The following TRPM3 variants were observed in gnomAD, a reference collection of about 807,000 sequenced individuals.
The protein encoded by TRPM3 is transient receptor potential cation channel subfamily M member 3, also known as long transient receptor potential channel 3.
A neutral mutation model predicts 181.2 loss-of-function variants in TRPM3; 77 were observed. The ratio of observed to expected loss-of-function variants is 0.42; its 90% CI spans 0.35 to 0.51. The LOEUF (loss-of-function observed/expected upper bound fraction) is 0.51. TRPM3 is among the 20% of genes least tolerant of loss of function. TRPM3 has a pLI of 0.01. For missense variants in TRPM3, 1,759 were observed against 2,196.7 expected, an observed-to-expected ratio of 0.80 and a Z score of 3.98; for synonymous variants, 745 against 796.4, an observed-to-expected ratio of 0.94 and a Z score of 1.09.
At chr9:70,579,229 A>T (rs1049078420) in intron 22 of TRPM3, 13 of 152,130 alleles carry the variant, frequency 8.5e-5, no homozygotes, top group African/African-American at 3.1e-4. Context: ...TGATCCCACG[A>T]CCCATCAGCA....
At chr9:70,932,605 G>T (rs556646525) in intron 1 of TRPM3, among the ~76,000 whole-genome samples, 9 of 152,276 alleles carry the variant, frequency 5.9e-5, no homozygotes, top group Admixed American at 3.3e-4. Flanking sequence ...CTCTTCCAAA[G>T]AAGAGTTATA....
intron 7 of TRPM3, among the ~76,000 whole-genome samples, chr9:70,781,184 G>A (rs2082360059): frequency 6.6e-6 from 1 of 151,978 alleles, no homozygotes; most frequent in African/African-American, 2.4e-5. Flanking sequence ...AATTAGCCAG[G>A]GGTGGTGGCA....
chr9:70,848,725 C>T (rs2095092433), intron 3 of TRPM3, among the ~76,000 whole-genome samples: 1 of 99,194 alleles, frequency 1.0e-5, no homozygotes, highest in African/African-American at 3.8e-5. Context: ...CGCCTGTAAT[C>T]CCAGCACTTT....
At chr9:70,999,866 CCA>C (rs754459682) in intron 1 of TRPM3, among the ~76,000 whole-genome samples, 1 of 152,186 alleles carries the variant, frequency 6.6e-6, no homozygotes, top group Non-Finnish European at 1.5e-5. Flanking sequence ...CTGAAACAAT[CCA>C]CAGTGTGTTT....
At position 71,121,364 on chromosome 9, in the gene TRPM3, A is replaced by G. The variant is rs559996768; in HGVS notation, c.-10T>C. On this transcript the variant is annotated 5_prime_UTR_variant, in exon 1 of 26. It removes an upstream start codon present in the reference 5' UTR. Coordinates refer to ENST00000677713, the MANE Select transcript of TRPM3 (RefSeq NM_001366145.2). ...CCCACGGCTCTGGCATCCCATGGTC[A>G]TCTCCACACCTGCAAATTCCATTAG... 6 of 1,612,988 alleles carry G rather than the reference A, an allele frequency of 3.7e-6. No individual in the cohort carries two copies. Among genetic ancestry groups the G allele is most frequent in the Non-Finnish European group, 5.1e-6 (6 of 1,179,646 alleles).
intron 1 of TRPM3, among the ~76,000 whole-genome samples, chr9:70,953,878 C>T (rs2097033141): frequency 6.6e-6 from 1 of 152,178 alleles, no homozygotes. Flanking sequence ...CATGCACAGG[C>T]TGTCATCCAG....
chr9:70,985,319 CCCTT>C (rs1484261873), intron 1 of TRPM3, among the ~76,000 whole-genome samples: 2 of 152,124 alleles, frequency 1.3e-5, no homozygotes, highest in African/African-American at 4.8e-5. Context: ...TTCCCTCCCT[CCCTT>C]CTTGTTGGGT....
chr9:70,761,460 T>C (rs1008884406), intron 8 of TRPM3, 141 bp downstream of exon 8: 1 of 1,088,204 alleles, frequency 9.2e-7, no homozygotes, highest in Non-Finnish European at 1.4e-6. Flanking sequence ...GAGAGGAAGC[T>C]ACTGGAGCCA....
chr9:71,327,548 G>C (rs960292652), intron 1 of TRPM3, among the ~76,000 whole-genome samples: 3 of 152,138 alleles, frequency 2.0e-5, no homozygotes, highest in South Asian at 2.1e-4. Flanking sequence ...TAGGAACAGG[G>C]AAAACAGTGC....
intron 1 of TRPM3, among the ~76,000 whole-genome samples, chr9:71,139,576 A>C (rs191028028): frequency 2.0e-5 from 3 of 152,270 alleles, no homozygotes; most frequent in Non-Finnish European, 2.9e-5. Flanking sequence ...TAAATAATTT[A>C]TTTTAAAAAT....
chr9:70,531,286 G>A lies in TRPM3; in HGVS notation c.*4667C>T, dbSNP rs2040836751. ...CTTTATTTCATATTATTTGTTCAGT[G>A]CTTAAAAAAAAGATTTAAAAATCCC... is the stretch of plus-strand genomic sequence containing the variant. On this transcript the variant is annotated 3_prime_UTR_variant, in exon 26 of 26. Transcript: ENST00000677713. 6.6e-6 allele frequency: 1 copy of A among 151,892 alleles called. No individual in the cohort carries two copies. Among genetic ancestry groups the A allele is most frequent in the Non-Finnish European group, 1.5e-5 (1 of 67,958 alleles). The allele number at this position is 151,892 out of a possible 1,614,324, so 9.4% of individuals were successfully genotyped here.
intron 8 of TRPM3, among the ~76,000 whole-genome samples, chr9:70,743,611 C>T (rs2074565332): frequency 6.6e-6 from 1 of 151,934 alleles, no homozygotes; most frequent in Non-Finnish European, 1.5e-5. Flanking sequence ...TCCAGCTGTC[C>T]TGTTTCAACT....
intron 1 of TRPM3, among the ~76,000 whole-genome samples, chr9:71,138,247 A>G (rs546597381): frequency 6.6e-6 from 1 of 152,312 alleles, no homozygotes; most frequent in Admixed American, 6.5e-5. Flanking sequence ...GTCCATATCA[A>G]AGGTCTCTAT....
At chr9:70,902,900 G>A (rs2096406031) in intron 1 of TRPM3, among the ~76,000 whole-genome samples, 1 of 152,194 alleles carries the variant, frequency 6.6e-6, no homozygotes, top group African/African-American at 2.4e-5. Context: ...AAATAGCAGA[G>A]CAGATGTAAC....
intron 1 of TRPM3, among the ~76,000 whole-genome samples, chr9:71,322,690 C>T (rs1365543695): frequency 1.3e-5 from 2 of 151,994 alleles, no homozygotes; most frequent in African/African-American, 4.8e-5. Flanking sequence ...ACATTTTGTC[C>T]AGAATTTCAT....
At chr9:70,770,437 T>C (rs1040009764) in intron 7 of TRPM3, among the ~76,000 whole-genome samples, 10 of 152,234 alleles carry the variant, frequency 6.6e-5, no homozygotes, top group Non-Finnish European at 1.5e-5. Context: ...CACTTAGATG[T>C]TGGTGGTTTT....
chr9:71,242,837 G>A (rs140942021), intron 1 of TRPM3, among the ~76,000 whole-genome samples: 7 of 151,896 alleles, frequency 4.6e-5, no homozygotes, highest in Non-Finnish European at 5.9e-5. Flanking sequence ...ATTATATCAC[G>A]CCTCTGCTTA....
intron 12 of TRPM3, among the ~76,000 whole-genome samples, chr9:70,634,652 C>A (rs1314507692): frequency 2.6e-5 from 4 of 152,108 alleles, no homozygotes; most frequent in Non-Finnish European, 5.9e-5. Flanking sequence ...AATAATTCTA[C>A]CCGATCCATA....
chr9:70,611,850 T>A (rs2062043193), intron 18 of TRPM3, among the ~76,000 whole-genome samples: 1 of 152,190 alleles, frequency 6.6e-6, no homozygotes, highest in African/African-American at 2.4e-5. Context: ...GAGAACAGAA[T>A]CATTTCCTTT....
Sources: gnomAD v4.1 joint callset for allele counts (sites outside exome capture counted in the v4.1 genomes callset) on GRCh38, gnomAD v4.1.1 for gene constraint, MANE v1.5 for transcripts, NCBI Gene and HGNC (gene_info 2026-07-23, HGNC 2026-07-21) for gene names.